The following RP1L1 variants were observed in gnomAD, a reference collection of about 807,000 sequenced individuals.
RP1L1 encodes retinitis pigmentosa 1-like 1 protein.
A neutral mutation model predicts 15.7 loss-of-function variants in RP1L1; 27 were observed. The observed-to-expected ratio is 1.72, with a 90% CI of 1.27 to 2.38. RP1L1 has a LOEUF of 2.38. Among genes scored for constraint, RP1L1 ranks in the 30% most tolerant of loss-of-function variants. The pLI, the probability that RP1L1 is intolerant of heterozygous loss-of-function variation, is 0.00. For missense variants in RP1L1, 4,798 were observed against 3,075.9 expected, an observed-to-expected ratio of 1.56 and a Z score of -13.24; for synonymous variants, 1,813 against 1,276.7, an observed-to-expected ratio of 1.42 and a Z score of -8.96.
Position 10,609,492 on chromosome 8 carries a change from T to TG in RP1L1, c.4605dup (p.Ser1536GlnfsTer5). ...CGTGCTCGGAGCTCAGCCACCGCAC[T>TG]GGCAAGGTGGGCCAGGAAGGCCTTC... is the stretch of plus-strand genomic sequence containing the variant. On this transcript the variant is annotated frameshift_variant, in exon 4 of 4. Transcript: ENST00000382483. LOFTEE classifies it low-confidence loss of function (END_TRUNC). 1 of 1,610,960 alleles carries TG rather than the reference T, an allele frequency of 6.2e-7. No homozygotes were observed. Among genetic ancestry groups the TG allele is most frequent in the Non-Finnish European group, 8.5e-7 (1 of 1,179,216 alleles).
chr8:10,619,103 C>G (rs1798018150), intron 2 of RP1L1, among the ~76,000 whole-genome samples: 1 of 152,214 alleles, frequency 6.6e-6, no homozygotes, highest in Admixed American at 6.5e-5. Context: ...CTCCTGACCT[C>G]AAGTGATCCA....
chr8:10,612,376 G>A lies in RP1L1; in HGVS notation c.1722C>T (p.Pro574=), dbSNP rs750155847. The A allele has an allele frequency of 6.2e-6, 10 of 1,612,770 alleles. No homozygotes were observed. The highest frequency in any genetic ancestry group is 4.5e-5 in the East Asian group (2 of 44,888). The change falls in exon 4 of 4, where the codon CCC becomes CCT. Residue 574 remains proline, a synonymous_variant. Coordinates refer to ENST00000382483, the MANE Select transcript of RP1L1 (RefSeq NM_178857.6). Reference sequence around the variant, plus strand: ...ATGAAAGACTCAGGGCTGGAGAAGCGGGGTCGCCTCCCTCGCTGGCCTCCT... The same window carrying A: ...ATGAAAGACTCAGGGCTGGAGAAGCAGGGTCGCCTCCCTCGCTGGCCTCCT... The part of the protein sequence containing the change: ...SQQEASEGGD[P]ASPALSLSSL...
rs1195358656 is a variant in RP1L1, at chr8:10,613,061, G to A, written c.1037C>T (p.Ala346Val). The change falls in exon 4 of 4, where the codon GCC becomes GTC. Residue 346 changes from alanine to valine, a missense_variant. Transcript: ENST00000382483. ...CCCACTGGCTGCCGTGAGGGCGCTGGCCCTGCCCATCCTCCGGGACCATAG... is the reference window on the plus strand; with the variant it reads ...CCCACTGGCTGCCGTGAGGGCGCTGACCCTGCCCATCCTCCGGGACCATAG... ...TLLWSRRMGR[A>V]SALTAASGED... The A allele has an allele frequency of 1.8e-5, 29 of 1,613,566 alleles. No individual in the cohort carries two copies. Among genetic ancestry groups the A allele is most frequent in the Admixed American group, 1.5e-4 (9 of 60,016 alleles).
At chr8:10,621,904 C>A in intron 2 of RP1L1, 2 of 404,654 alleles carry the variant, frequency 4.9e-6, no homozygotes, top group Non-Finnish European at 5.0e-6. Context: ...CACTCTCTGG[C>A]TTCCCAAACA....
At chr8:10,653,972 T>G (rs1174572012) in intron 1 of RP1L1, among the ~76,000 whole-genome samples, 1 of 152,124 alleles carries the variant, frequency 6.6e-6, no homozygotes, top group African/African-American at 2.4e-5. Flanking sequence ...CCCTTCACTG[T>G]GCAGCAGCTG....
At chr8:10,629,775 C>T (rs1177304100) in intron 1 of RP1L1, among the ~76,000 whole-genome samples, 1 of 152,124 alleles carries the variant, frequency 6.6e-6, no homozygotes, top group Non-Finnish European at 1.5e-5. Flanking sequence ...ACCCTGCTGT[C>T]CTTACCACTT....
intron 1 of RP1L1, among the ~76,000 whole-genome samples, chr8:10,645,764 G>C (rs566882675): frequency 6.6e-6 from 1 of 152,170 alleles, no homozygotes; most frequent in Non-Finnish European, 1.5e-5. Context: ...CAGTGCAAGC[G>C]AGTCCAGCCC....
chr8:10,624,437 G>C (rs777684859), intron 1 of RP1L1, among the ~76,000 whole-genome samples: 1 of 152,196 alleles, frequency 6.6e-6, no homozygotes, highest in East Asian at 1.9e-4. Flanking sequence ...AGAGTAAAAG[G>C]AATGGCATTG....
chr8:10,608,604 C>T lies in RP1L1; in HGVS notation c.5494G>A (p.Ala1832Thr), dbSNP rs966642196. 1 of 1,614,176 alleles carries T rather than the reference C, an allele frequency of 6.2e-7. No homozygotes were observed. Among genetic ancestry groups the T allele is most frequent in the Non-Finnish European group, 8.5e-7 (1 of 1,180,028 alleles). ...GDQDPGQSDG[A>T]EGIEAPEAEG... ...GCCTCCGGGGCCTCTATGCCTTCGG[C>T]CCCATCACTCTGTCCTGGATCTTGG... The change falls in exon 4 of 4, where the codon GCC (alanine) becomes ACC (threonine). Residue 1832 changes from alanine (A) to threonine (T), a missense_variant. Transcript: ENST00000382483.
At chr8:10,617,636 A>C (rs1797991700) in intron 2 of RP1L1, among the ~76,000 whole-genome samples, 1 of 138,954 alleles carries the variant, frequency 7.2e-6, no homozygotes, top group African/African-American at 2.7e-5. Context: ...GGCTCACTGC[A>C]AGCTCTGCCT....
chr8:10,621,809 A>T (rs1049874634), intron 2 of RP1L1: 1 of 486,652 alleles, frequency 2.1e-6, no homozygotes, highest in African/African-American at 1.9e-5. Context: ...CATGTCCTTG[A>T]ACTCAATAAT....
intron 1 of RP1L1, among the ~76,000 whole-genome samples, chr8:10,629,887 T>A (rs1798214784): frequency 6.6e-6 from 1 of 152,076 alleles, no homozygotes; most frequent in Admixed American, 6.5e-5. Flanking sequence ...TGTCCCCAAG[T>A]CTCTGTGCTC....
intron 1 of RP1L1, among the ~76,000 whole-genome samples, chr8:10,626,719 G>T (rs745934795): frequency 1.3e-5 from 2 of 152,180 alleles, no homozygotes; most frequent in Non-Finnish European, 2.9e-5. Flanking sequence ...TTAACACATG[G>T]AAAAAACCCC....
intron 1 of RP1L1, among the ~76,000 whole-genome samples, chr8:10,634,725 T>A (rs1265580944): frequency 6.6e-6 from 1 of 152,106 alleles, no homozygotes; most frequent in Non-Finnish European, 1.5e-5. Context: ...TGGCTGCTAT[T>A]CCTAGCATTT....
rs190000469 is a variant in RP1L1, at chr8:10,609,654, C to T, written c.4444G>A (p.Gly1482Arg). The change falls in exon 4 of 4, where the codon GGA (glycine) becomes AGA (arginine). Residue 1482 changes from glycine to arginine, a missense_variant. Physicochemically the swap from Gly to Arg is moderately radical, Grantham distance 125. Transcript: ENST00000382483. ...QLEPGLEKPP[G>R]ATMMGQEHTQ... ...TGCTCTTGGCCCATCATGGTGGCTC[C>T]GGGCGGCTTTTCCAAACCAGGCTCA... 3,721 of 1,610,440 alleles carry T rather than the reference C, an allele frequency of 2.3e-3. 5 individuals are homozygous for T. Among genetic ancestry groups the T allele is most frequent in the Non-Finnish European group, 2.8e-3 (3,352 of 1,179,982 alleles).
chr8:10,630,140 T>C (rs1798219072), intron 1 of RP1L1, among the ~76,000 whole-genome samples: 2 of 152,242 alleles, frequency 1.3e-5, no homozygotes, highest in Admixed American at 6.5e-5. Flanking sequence ...CCAGAGCATC[T>C]ATCTCTATAC....
chr8:10,627,464 G>A lies in RP1L1; in HGVS notation c.-19-4244C>T, dbSNP rs6986653. Among the ~76,000 whole-genome samples, 402 of 152,180 alleles carry A rather than the reference G, an allele frequency of 2.6e-3. 3 individuals carry two copies. The highest frequency in any genetic ancestry group is 9.1e-3 in the African/African-American group (376 of 41,520). On this transcript the variant is annotated intron_variant, in intron 1 of 3. Transcript: ENST00000382483. ...TATAGAGACAGAAAGTAGGATGGGG[G>A]ACATCAGGGCTGGGAGGAGGTACGA... is the stretch of plus-strand genomic sequence containing the variant.
In RP1L1 at chr8:10,612,483, T is replaced by G; in HGVS notation, c.1615A>C (p.Thr539Pro). The G allele has an allele frequency of 6.2e-7, 1 of 1,612,606 alleles. No individual in the cohort carries two copies. The highest frequency in any genetic ancestry group is 8.5e-7 in the Non-Finnish European group (1 of 1,179,984). Residue 539 changes from threonine (T) to proline (P), a missense_variant, in exon 4 of 4, where the codon ACC becomes CCC. By Grantham distance (38) the Thr-to-Pro change is conservative. Transcript: ENST00000382483. ...EGASSDSSAS[T>P]GSHEGSSEWG... ...TCGCTGGATCCCTCATGAGAGCCGG[T>G]GCTGGCTGACGAGTCCGAAGAAGCC...
intron 1 of RP1L1, among the ~76,000 whole-genome samples, chr8:10,629,111 C>T (rs188040807): frequency 1.1e-4 from 17 of 152,306 alleles, no homozygotes; most frequent in Admixed American, 5.2e-4. Flanking sequence ...GTGAGAAGTA[C>T]GGTAAGCACA....
Sources: gnomAD v4.1 joint callset for allele counts (sites outside exome capture counted in the v4.1 genomes callset) on GRCh38, gnomAD v4.1.1 for gene constraint, MANE v1.5 for transcripts, NCBI Gene and HGNC (gene_info 2026-07-23, HGNC 2026-07-21) for gene names.